MRAP2: variants seen among roughly 807,000 people sequenced by gnomAD.
The protein encoded by MRAP2 is melanocortin 2 receptor accessory protein 2.
Under a neutral mutation model 17.4 loss-of-function variants are expected in MRAP2, and 20 were observed. The observed-to-expected ratio is 1.15, with a 90% CI of 0.81 to 1.67. The LOEUF is 1.67. Among genes scored for constraint, MRAP2 ranks in the 40% most tolerant of loss-of-function variants. The pLI is 0.00. For missense variants in MRAP2, 238 were observed against 240.0 expected, an observed-to-expected ratio of 0.99 and a Z score of 0.05; for synonymous variants, 96 against 88.4, an observed-to-expected ratio of 1.09 and a Z score of -0.48.
At chr6:84,146,128 C>T in the MRAP2 span, among the ~76,000 whole-genome samples, 1 of 152,090 alleles carries the variant, frequency 6.6e-6, no homozygotes, top group Non-Finnish European at 1.5e-5. Context: ...TTTTCCTCTT[C>T]CTTTGCCAAT....
At chr6:84,144,448 A>T in the MRAP2 span, among the ~76,000 whole-genome samples, 4 of 152,082 alleles carry the variant, frequency 2.6e-5, no homozygotes, top group African/African-American at 9.7e-5. Context: ...CTCTCATCAG[A>T]TGTTTAACTA....
chr6:84,072,894 C>G (rs965276002), intron 3 of MRAP2, among the ~76,000 whole-genome samples: 1 of 152,130 alleles, frequency 6.6e-6, no homozygotes, highest in Admixed American at 6.5e-5. Flanking sequence ...AGCTCCCATA[C>G]AAATCGAAGG....
At chr6:84,062,452 T>C in intron 2 of MRAP2, 4 of 798,474 alleles carry the variant, frequency 5.0e-6, no homozygotes, top group Non-Finnish European at 6.1e-6. Flanking sequence ...GTTCAAGAAT[T>C]TTGTTTTCCT....
At chr6:84,061,187 T>C (rs1166337515) in intron 2 of MRAP2, among the ~76,000 whole-genome samples, 1 of 152,230 alleles carries the variant, frequency 6.6e-6, no homozygotes, top group Non-Finnish European at 1.5e-5. Flanking sequence ...ATCTGATTTC[T>C]TCACTTTGGA....
At chr6:84,070,589 C>T (rs963664402) in intron 3 of MRAP2, among the ~76,000 whole-genome samples, 4 of 152,132 alleles carry the variant, frequency 2.6e-5, no homozygotes, top group Non-Finnish European at 5.9e-5. Context: ...ATGAAATGTT[C>T]TGAATATATT....
chr6:84,067,703 G>A (rs942790998), intron 3 of MRAP2, among the ~76,000 whole-genome samples: 2 of 139,316 alleles, frequency 1.4e-5, no homozygotes, highest in African/African-American at 5.2e-5. Context: ...GTCTATTCAT[G>A]TTTTTAGCCC....
the MRAP2 span, among the ~76,000 whole-genome samples, chr6:84,140,935 A>AG: frequency 2.6e-5 from 4 of 152,082 alleles, no homozygotes; most frequent in Admixed American, 2.6e-4. Flanking sequence ...GGAAAGAGGG[A>AG]GGATGGTTTT....
chr6:84,103,546 A>G, the MRAP2 span, among the ~76,000 whole-genome samples: 1 of 152,198 alleles, frequency 6.6e-6, no homozygotes, highest in Non-Finnish European at 1.5e-5. Flanking sequence ...CTGGTGAAAG[A>G]CCAAGATGCT....
chr6:84,068,651 G>T (rs769003034), intron 3 of MRAP2, among the ~76,000 whole-genome samples: 9 of 151,128 alleles, frequency 6.0e-5, no homozygotes, highest in East Asian at 2.0e-4. Flanking sequence ...TTGTTTTTTT[G>T]TGTGTGTTTT....
chr6:84,102,725 T>A, the MRAP2 span, among the ~76,000 whole-genome samples: 1 of 152,096 alleles, frequency 6.6e-6, no homozygotes, highest in Non-Finnish European at 1.5e-5. Context: ...AGAGGTCTGT[T>A]ATGGAGTGTG....
chr6:84,086,811 C>G (rs555095603), intron 3 of MRAP2, among the ~76,000 whole-genome samples: 1 of 152,140 alleles, frequency 6.6e-6, no homozygotes, highest in East Asian at 1.9e-4. Flanking sequence ...TTCTCTTGGT[C>G]TCTTGTGCCT....
intron 3 of MRAP2, among the ~76,000 whole-genome samples, chr6:84,064,097 G>A (rs2099493901): frequency 6.6e-6 from 1 of 151,534 alleles, no homozygotes; most frequent in African/African-American, 2.4e-5. Context: ...CGGAAGTTAT[G>A]GACAGGGAAG....
At chr6:84,117,642 G>GGTGT in the MRAP2 span, among the ~76,000 whole-genome samples, 9 of 140,890 alleles carry the variant, frequency 6.4e-5, no homozygotes, top group African/African-American at 2.0e-4. Context: ...TTGGATGTGG[G>GGTGT]GTGTGTGTCT....
At chr6:84,070,241 T>G (rs1320340020) in intron 3 of MRAP2, among the ~76,000 whole-genome samples, 1 of 152,156 alleles carries the variant, frequency 6.6e-6, no homozygotes, top group Non-Finnish European at 1.5e-5. Context: ...GGTTATGAAC[T>G]TTCCTCTTAG....
the MRAP2 span, among the ~76,000 whole-genome samples, chr6:84,122,231 C>A: frequency 6.6e-6 from 1 of 151,550 alleles, no homozygotes; most frequent in African/African-American, 2.4e-5. Context: ...CAGTGTCACC[C>A]TGATACCAAC....
chr6:84,062,989 A>G lies in MRAP2; in HGVS notation c.224A>G (p.Gln75Arg). ...CTGACCAAGACAGGAGCCCCACACC[A>G]AGAGTAAGTTTGGGCTGTTCCTAAA... ...TLLTKTGAPH[Q>R]DNAESSEKRF... The change falls in exon 3 of 4, where the codon CAA becomes CGA. Residue 75 changes from glutamine (Q) to arginine (R), a missense_variant. Coordinates refer to ENST00000257776, the MANE Select transcript of MRAP2 (RefSeq NM_138409.4). 6.2e-7 allele frequency: 1 copy of G among 1,614,124 alleles called. No homozygotes were observed. Among genetic ancestry groups the G allele is most frequent in the Non-Finnish European group, 8.5e-7 (1 of 1,179,998 alleles).
At chr6:84,064,058 GA>G (rs879476569) in intron 3 of MRAP2, among the ~76,000 whole-genome samples, 194 of 149,254 alleles carry the variant, frequency 1.3e-3, no homozygotes, top group Middle Eastern at 0.01. Context: ...AAAAGAAAAA[GA>G]AAAAAAGTTT....
At chr6:84,084,822 C>T (rs1453949709) in intron 3 of MRAP2, among the ~76,000 whole-genome samples, 1 of 151,592 alleles carries the variant, frequency 6.6e-6, no homozygotes, top group African/African-American at 2.4e-5. Context: ...CCCAGAAGAC[C>T]AGGCATGCCT....
At chr6:84,043,253 A>C (rs927075050) in intron 1 of MRAP2, among the ~76,000 whole-genome samples, 2 of 152,212 alleles carry the variant, frequency 1.3e-5, no homozygotes, top group Admixed American at 6.5e-5. Flanking sequence ...AATAGCAGCT[A>C]TATAAAACAG....
Sources: gnomAD v4.1 joint callset for allele counts (sites outside exome capture counted in the v4.1 genomes callset) on GRCh38, gnomAD v4.1.1 for gene constraint, MANE v1.5 for transcripts, NCBI Gene and HGNC (gene_info 2026-07-23, HGNC 2026-07-21) for gene names.